The following PTPRD variants were observed in gnomAD, a reference collection of about 807,000 sequenced individuals.
PTPRD encodes receptor-type tyrosine-protein phosphatase delta.
A neutral mutation model predicts 214.5 loss-of-function variants in PTPRD; 34 were observed. The observed-to-expected ratio is 0.16, with a 90% CI of 0.12 to 0.21. The LOEUF is 0.21. PTPRD is among the 10% of genes least tolerant of loss of function. PTPRD has a pLI of 1.00. For synonymous variants in PTPRD, 1,128 were observed against 845.7 expected, an observed-to-expected ratio of 1.33 and a Z score of -5.79; for missense variants, 2,545 against 2,398.7, an observed-to-expected ratio of 1.06 and a Z score of -1.27.
At chr9:8,454,835 TGTGTG>T (rs1326724917) in intron 33 of PTPRD, among the ~76,000 whole-genome samples, 4 of 151,988 alleles carry the variant, frequency 2.6e-5, no homozygotes, top group Non-Finnish European at 5.9e-5. Flanking sequence ...TGTGTGTGTG[TGTGTG>T]TGTGTGTGAA....
intron 12 of PTPRD, among the ~76,000 whole-genome samples, chr9:8,638,425 G>C (rs2096495277): frequency 6.6e-6 from 1 of 151,876 alleles, no homozygotes; most frequent in Admixed American, 6.6e-5. Flanking sequence ...TACATATATG[G>C]ATAATCTTGG....
intron 3 of PTPRD, among the ~76,000 whole-genome samples, chr9:10,335,884 T>C (rs185178535): frequency 6.6e-6 from 1 of 151,790 alleles, no homozygotes; most frequent in East Asian, 1.9e-4. Flanking sequence ...TAAAACAACA[T>C]AGAGATATCA....
intron 34 of PTPRD, among the ~76,000 whole-genome samples, chr9:8,447,204 A>G (rs966136240): frequency 3.9e-5 from 6 of 152,086 alleles, no homozygotes; most frequent in African/African-American, 1.4e-4. Context: ...CTCCTCTACT[A>G]CAGCTCCTCT....
intron 7 of PTPRD, among the ~76,000 whole-genome samples, chr9:9,607,425 G>C (rs538721200): frequency 6.6e-6 from 1 of 152,274 alleles, no homozygotes; most frequent in African/African-American, 2.4e-5. Context: ...GCTGAAGAAA[G>C]AGAAATTATT....
chr9:9,196,095 T>A (rs2099938439), intron 9 of PTPRD, among the ~76,000 whole-genome samples: 1 of 152,112 alleles, frequency 6.6e-6, no homozygotes, highest in African/African-American at 2.4e-5. Flanking sequence ...TGTGAGGACT[T>A]AGCATACCTG....
chr9:8,996,202 C>G (rs1024279798), intron 11 of PTPRD, among the ~76,000 whole-genome samples: 4 of 152,064 alleles, frequency 2.6e-5, no homozygotes, highest in Admixed American at 6.6e-5. Flanking sequence ...TCACTCCAAA[C>G]TGTAAACAAT....
chr9:10,192,449 A>G (rs1273607644), intron 3 of PTPRD, among the ~76,000 whole-genome samples: 3 of 142,020 alleles, frequency 2.1e-5, no homozygotes, highest in South Asian at 2.1e-4. Context: ...ATCCAGGAAA[A>G]AAAAAAAAAA....
Position 10,492,627 on chromosome 9 carries a change from G to A in PTPRD, c.-600+119771C>T, listed in dbSNP as rs150012053. Reference sequence around the variant, plus strand: ...TCTGGATATTAGCCCTTTGTCAGACGGATAGATGGCAAAAATTTTCTCACA... The same window carrying A: ...TCTGGATATTAGCCCTTTGTCAGACAGATAGATGGCAAAAATTTTCTCACA... On this transcript the variant is annotated intron_variant, in intron 2 of 45. Coordinates refer to ENST00000381196, the MANE Select transcript of PTPRD (RefSeq NM_002839.4). Among the ~76,000 whole-genome samples the A allele has an allele frequency of 5.8e-3, 884 of 152,104 alleles. 10 individuals carry two copies. Among genetic ancestry groups the A allele is most frequent in the African/African-American group, 0.02 (831 of 41,518 alleles).
intron 7 of PTPRD, among the ~76,000 whole-genome samples, chr9:9,644,855 C>T (rs2096095034): frequency 6.6e-6 from 1 of 152,118 alleles, no homozygotes; most frequent in African/African-American, 2.4e-5. Flanking sequence ...GATTCTTTTC[C>T]CACTTCACCC....
intron 35 of PTPRD, among the ~76,000 whole-genome samples, chr9:8,429,684 A>T (rs756594669): frequency 1.3e-4 from 20 of 152,164 alleles, no homozygotes; most frequent in Non-Finnish European, 2.4e-4. Context: ...AACAGGAAGA[A>T]ACTCAGCACA....
intron 26 of PTPRD, among the ~76,000 whole-genome samples, chr9:8,494,524 A>T (rs773359861): frequency 7.2e-5 from 11 of 152,248 alleles, no homozygotes; most frequent in Non-Finnish European, 1.5e-4. Context: ...GTAAATGCCA[A>T]CATTATGGTT....
At chr9:8,469,545 A>T (rs778263892) in intron 31 of PTPRD, among the ~76,000 whole-genome samples, 1 of 152,112 alleles carries the variant, frequency 6.6e-6, no homozygotes, top group South Asian at 2.1e-4. Context: ...AGTCAGTTGC[A>T]AGTAAAATCA....
At chr9:9,625,306 A>C (rs545735781) in intron 7 of PTPRD, among the ~76,000 whole-genome samples, 1 of 152,318 alleles carries the variant, frequency 6.6e-6, no homozygotes, top group Admixed American at 6.5e-5. Context: ...CAGGTAAAAC[A>C]AGAAAGCCTA....
At chr9:10,240,963 A>G (rs1001371002) in intron 3 of PTPRD, among the ~76,000 whole-genome samples, 1 of 151,746 alleles carries the variant, frequency 6.6e-6, no homozygotes, top group African/African-American at 2.4e-5. Flanking sequence ...TAAAACACAT[A>G]CAACAAAGGC....
At chr9:9,433,939 C>T (rs1213064995) in intron 8 of PTPRD, among the ~76,000 whole-genome samples, 9 of 152,150 alleles carry the variant, frequency 5.9e-5, no homozygotes, top group South Asian at 4.1e-4. Flanking sequence ...AGCTCAAAAA[C>T]GCAGCGCAGT....
chr9:9,097,271 A>G (rs191243446), intron 10 of PTPRD, among the ~76,000 whole-genome samples: 24 of 152,252 alleles, frequency 1.6e-4, no homozygotes, highest in African/African-American at 5.3e-4. Context: ...CAGTATCAGC[A>G]CTATAATGAG....
chr9:8,668,435 C>T (rs1372912708), intron 12 of PTPRD, among the ~76,000 whole-genome samples: 1 of 152,196 alleles, frequency 6.6e-6, no homozygotes, highest in Non-Finnish European at 1.5e-5. Context: ...CACAGTTTTC[C>T]ATGTGCTTCC....
At chr9:8,790,491 C>T (rs575081937) in intron 11 of PTPRD, among the ~76,000 whole-genome samples, 65 of 152,076 alleles carry the variant, frequency 4.3e-4, no homozygotes, top group Non-Finnish European at 8.7e-4. Flanking sequence ...GATCTTGGCT[C>T]ACTGTAACCG....
intron 11 of PTPRD, among the ~76,000 whole-genome samples, chr9:8,980,846 G>T (rs2099309056): frequency 6.6e-6 from 1 of 151,604 alleles, no homozygotes; most frequent in South Asian, 2.1e-4. Context: ...TAGGGCAAAG[G>T]GTGGTTCCAA....
Sources: allele counts gnomAD v4.1 joint callset (sites outside exome capture counted in the v4.1 genomes callset), GRCh38; gene constraint gnomAD v4.1.1; transcripts MANE v1.5; gene names NCBI Gene and HGNC (gene_info 2026-07-23, HGNC 2026-07-21).